The following DMD variants were observed in gnomAD, a reference collection of about 807,000 sequenced individuals.
DMD encodes the protein mutant dystrophin.
A neutral mutation model predicts 330.1 loss-of-function variants in DMD; 63 were observed. The observed-to-expected ratio is 0.19, with a 90% CI of 0.16 to 0.24. The LOEUF (loss-of-function observed/expected upper bound fraction) is 0.24, where lower values mean the gene tolerates loss of function less well. DMD is among the 10% of genes least tolerant of loss of function. DMD has a pLI of 1.00. For synonymous variants in DMD, 1,223 were observed against 959.8 expected, an observed-to-expected ratio of 1.27 and a Z score of -5.07; for missense variants, 3,344 against 2,684.1, an observed-to-expected ratio of 1.25 and a Z score of -5.43.
chrX:31,195,916 A>G (rs2042839602), intron 67 of DMD, among the ~76,000 whole-genome samples: 1 of 111,752 alleles, frequency 8.9e-6, no homozygotes, highest in South Asian at 3.8e-4. Context: ...GTGCTACTTT[A>G]GAAGGATGAA....
intron 7 of DMD, among the ~76,000 whole-genome samples, chrX:32,710,231 T>G (rs2065066485): frequency 9.1e-6 from 1 of 110,398 alleles, no homozygotes; most frequent in African/African-American, 3.3e-5. Context: ...ATACAACCAA[T>G]AAGTGACAGT....
chrX:32,887,776 A>AAAAAAAAAAC (rs1259032561), intron 2 of DMD, among the ~76,000 whole-genome samples: 2 of 95,048 alleles, frequency 2.1e-5, no homozygotes, highest in Non-Finnish European at 4.2e-5. Context: ...AAAAAAAAAA[A>AAAAAAAAAAC]CATCAACTAA....
chrX:31,396,795 T>C (rs2060968686), intron 60 of DMD, among the ~76,000 whole-genome samples: 1 of 111,534 alleles, frequency 9.0e-6, no homozygotes, highest in Non-Finnish European at 1.9e-5. Context: ...AAAAACTGCA[T>C]GATTTCCTGA....
chrX:32,824,937 C>T, intron 4 of DMD, among the ~76,000 whole-genome samples: 1 of 111,535 alleles, frequency 9.0e-6, no homozygotes, highest in East Asian at 2.8e-4. Context: ...GGGGATTCCT[C>T]ATATGGCAGT....
At chrX:32,842,192 G>A (rs955587441) in intron 4 of DMD, among the ~76,000 whole-genome samples, 14 of 112,042 alleles carry the variant, frequency 1.2e-4, no homozygotes, top group African/African-American at 3.9e-4. Flanking sequence ...AGTCAGTGCT[G>A]CCTGTTGACA....
At chrX:32,895,108 C>A (rs897203552) in intron 2 of DMD, among the ~76,000 whole-genome samples, 3 of 111,650 alleles carry the variant, frequency 2.7e-5, no homozygotes, top group Non-Finnish European at 5.6e-5. Flanking sequence ...CACGGGCCAC[C>A]GGATCAGAGC....
At chrX:31,951,159 G>GTATATATA (rs747836033) in intron 45 of DMD, among the ~76,000 whole-genome samples, 916 of 71,661 alleles carry the variant, frequency 0.013, 28 homozygotes, top group African/African-American at 0.044. Flanking sequence ...ATATATATAT[G>GTATATATA]TATATATATA....
At chrX:32,160,011 T>G (rs2096843386) in intron 44 of DMD, among the ~76,000 whole-genome samples, 1 of 111,396 alleles carries the variant, frequency 9.0e-6, no homozygotes, top group Admixed American at 9.6e-5. Flanking sequence ...GGGAAGCTAC[T>G]GAAGGATTTT....
At chrX:31,906,089 C>A (rs2094475099) in intron 47 of DMD, among the ~76,000 whole-genome samples, 1 of 111,159 alleles carries the variant, frequency 9.0e-6, no homozygotes. Flanking sequence ...CGGGCGGTTA[C>A]CCTCATGCTG....
intron 7 of DMD, among the ~76,000 whole-genome samples, chrX:32,777,222 A>T (rs1452854224): frequency 1.3e-5 from 1 of 78,554 alleles, no homozygotes; most frequent in Non-Finnish European, 2.2e-5. Context: ...AGAATCTTAC[A>T]TCTAGGGATA....
At chrX:31,548,845 T>G (rs2074307245) in intron 55 of DMD, among the ~76,000 whole-genome samples, 1 of 111,582 alleles carries the variant, frequency 9.0e-6, no homozygotes, top group East Asian at 2.8e-4. Flanking sequence ...ATGTAACATT[T>G]GTTATGTAAA....
chrX:31,889,317 A>G (rs2094200316), intron 47 of DMD, among the ~76,000 whole-genome samples: 1 of 111,377 alleles, frequency 9.0e-6, no homozygotes, highest in Non-Finnish European at 1.9e-5. Context: ...AGAATACTTA[A>G]TAATATACGT....
chrX:33,006,885 C>A (rs1303905648), intron 2 of DMD, among the ~76,000 whole-genome samples: 1 of 111,090 alleles, frequency 9.0e-6, no homozygotes, highest in Admixed American at 9.7e-5. Flanking sequence ...AAATAACCAT[C>A]CCATCCTTCC....
At chrX:31,877,300 C>T (rs192348028) in intron 47 of DMD, among the ~76,000 whole-genome samples, 20 of 111,974 alleles carry the variant, frequency 1.8e-4, no homozygotes, top group Non-Finnish European at 3.4e-4. Context: ...TAGGCTCCCA[C>T]AGCACTGTTT....
chrX:32,784,749 C>A (rs1012634335), intron 7 of DMD, among the ~76,000 whole-genome samples: 2 of 111,461 alleles, frequency 1.8e-5, no homozygotes, highest in African/African-American at 3.2e-5. Flanking sequence ...ATGATGCAGC[C>A]ACATTTTCAT....
intron 11 of DMD, among the ~76,000 whole-genome samples, chrX:32,640,459 G>A (rs950029052): frequency 1.8e-5 from 2 of 110,049 alleles, no homozygotes; most frequent in Admixed American, 9.8e-5. Context: ...ATCAGGGCAC[G>A]CTATTATCTT....
At chrX:32,099,284 A>C (rs1162906069) in intron 44 of DMD, among the ~76,000 whole-genome samples, 5 of 111,175 alleles carry the variant, frequency 4.5e-5, no homozygotes, top group African/African-American at 1.6e-4. Context: ...TTTTGGCTGC[A>C]TAAATGTCTT....
chrX:33,311,354 A>T (rs2053846922), intron 1 of DMD, among the ~76,000 whole-genome samples: 1 of 110,386 alleles, frequency 9.1e-6, no homozygotes, highest in African/African-American at 3.3e-5. Context: ...TATAATATAT[A>T]TACACCTGTC....
At chrX:32,384,579 C>A (rs1422221070) in intron 33 of DMD, among the ~76,000 whole-genome samples, 1 of 110,577 alleles carries the variant, frequency 9.0e-6, no homozygotes, top group Non-Finnish European at 1.9e-5. Flanking sequence ...ACAAGACTAT[C>A]TAAGAAAAAT....
Sources: allele counts gnomAD v4.1 joint callset (sites outside exome capture counted in the v4.1 genomes callset), GRCh38; gene constraint gnomAD v4.1.1; transcripts MANE v1.5; gene names NCBI Gene and HGNC (gene_info 2026-07-23, HGNC 2026-07-21).